The following SEMA6D variants were observed in gnomAD, a reference collection of about 807,000 sequenced individuals.
The protein encoded by SEMA6D is semaphorin 6D.
SEMA6D carries 35 observed loss-of-function variants against 106.6 expected under a neutral mutation model. That is an observed-to-expected ratio of 0.33 (90% CI 0.25 to 0.44). SEMA6D has a LOEUF of 0.44. Ranked by LOEUF, SEMA6D falls within the 20% of genes least tolerant of loss-of-function variation. The pLI, the probability that SEMA6D is intolerant of heterozygous loss-of-function variation, is 1.00. For missense variants in SEMA6D, 1,185 were observed against 1,345.9 expected (o/e 0.88, Z 1.87); for synonymous variants, 499 against 487.7 (o/e 1.02, Z -0.31).
chr15:47,581,255 A>T (rs2076249630), intron 3 of SEMA6D: 1 of 417,190 alleles, frequency 2.4e-6, no homozygotes. Context: ...TTGGGCCCCC[A>T]ACCCTATTTT....
chr15:47,271,125 G>A (rs1005279708), intron 1 of SEMA6D, among the ~76,000 whole-genome samples: 1 of 152,106 alleles, frequency 6.6e-6, no homozygotes, highest in Non-Finnish European at 1.5e-5. Context: ...TTATTTCATG[G>A]TTTTTTGACA....
intron 1 of SEMA6D, among the ~76,000 whole-genome samples, chr15:47,188,213 G>A (rs770509326): frequency 6.6e-6 from 1 of 152,098 alleles, no homozygotes; most frequent in Non-Finnish European, 1.5e-5. Flanking sequence ...GATGATGTTT[G>A]ATTCAGTTTT....
intron 1 of SEMA6D, among the ~76,000 whole-genome samples, chr15:47,364,474 C>G (rs1178901397): frequency 6.6e-6 from 1 of 152,144 alleles, no homozygotes; most frequent in Non-Finnish European, 1.5e-5. Context: ...TGCTCAGGGT[C>G]AACATGCAAG....
chr15:47,230,194 G>A (rs1031499232), intron 1 of SEMA6D, among the ~76,000 whole-genome samples: 9 of 151,936 alleles, frequency 5.9e-5, no homozygotes, highest in African/African-American at 1.9e-4. Flanking sequence ...GGTCTGCCAG[G>A]ATTTTTTGAT....
chr15:47,403,773 C>T (rs929972054), intron 1 of SEMA6D, among the ~76,000 whole-genome samples: 21 of 152,206 alleles, frequency 1.4e-4, no homozygotes, highest in African/African-American at 5.1e-4. Context: ...CAGTGCAGAG[C>T]GGCCGGTGTG....
intron 18 of SEMA6D, among the ~76,000 whole-genome samples, 186 bp from the exon 19 acceptor site, chr15:47,770,311 T>C (rs1004699271): frequency 1.3e-4 from 20 of 152,198 alleles, no homozygotes; most frequent in African/African-American, 4.6e-4. Flanking sequence ...GCAGCAATCC[T>C]GTATGTCTCT....
rs537076984 is a variant in SEMA6D, at chr15:47,378,354, G to A, written c.-238-34039G>A. 3.9e-5 allele frequency among the ~76,000 whole-genome samples: 6 copies of A among 152,264 alleles called. No homozygotes were observed. In the South Asian group the frequency reaches 1.2e-3, roughly 32 times the overall value. The stretch of plus-strand genomic sequence containing the variant: ...CTACTGAAACTACAAAAATTAGCCA[G>A]GCGTGGTGGCACGCGCCTGTAATCC... On this transcript the variant is annotated intron_variant, in intron 1 of 19. Transcript: ENST00000558014.
intron 1 of SEMA6D, among the ~76,000 whole-genome samples, chr15:47,234,699 A>C (rs2141638112): frequency 6.6e-6 from 1 of 152,178 alleles, no homozygotes; most frequent in Admixed American, 6.6e-5. Flanking sequence ...GTGGCTGATT[A>C]GTATTCCATG....
intron 1 of SEMA6D, among the ~76,000 whole-genome samples, chr15:47,278,464 GT>G (rs2034944266): frequency 6.6e-6 from 1 of 152,046 alleles, no homozygotes; most frequent in Non-Finnish European, 1.5e-5. Flanking sequence ...GGGGTTGTTT[GT>G]TTTTTTCTTG....
chr15:47,685,796 C>T (rs1485975876), intron 4 of SEMA6D, among the ~76,000 whole-genome samples: 1 of 152,174 alleles, frequency 6.6e-6, no homozygotes, highest in Non-Finnish European at 1.5e-5. Flanking sequence ...TCTAATACAA[C>T]CTGTGAGCAA....
chr15:47,350,197 A>G (rs1467553644), intron 1 of SEMA6D, among the ~76,000 whole-genome samples: 2 of 152,350 alleles, frequency 1.3e-5, no homozygotes, highest in South Asian at 4.1e-4. Flanking sequence ...AGATTAGTAC[A>G]CTATCAAAAT....
chr15:47,696,464 G>T lies in SEMA6D; in HGVS notation c.-54-63281G>T, dbSNP rs140673896. ...TCAGCAGTTATTTTTAGAAATAGGG[G>T]CTGTGGGGAAGGAGAGAGAGGGCCC... On this transcript the variant is annotated intron_variant, in intron 4 of 19. Coordinates refer to the SEMA6D transcript ENST00000558014. 3.0e-3 allele frequency among the ~76,000 whole-genome samples: 457 copies of T among 152,288 alleles called. 7 individuals carry two copies. Among genetic ancestry groups the T allele is most frequent in the Admixed American group, 0.027 (408 of 15,294 alleles).
At chr15:47,543,245 G>A (rs1237269436) in intron 3 of SEMA6D, among the ~76,000 whole-genome samples, 1 of 152,210 alleles carries the variant, frequency 6.6e-6, no homozygotes, top group African/African-American at 2.4e-5. Context: ...ATATGGTTTG[G>A]CTGTGTGCTC....
At chr15:47,670,827 A>G (rs182962518) in intron 4 of SEMA6D, among the ~76,000 whole-genome samples, 1 of 152,246 alleles carries the variant, frequency 6.6e-6, no homozygotes, top group East Asian at 1.9e-4. Context: ...TCAATTTCTA[A>G]GCATTAGGCA....
intron 1 of SEMA6D, among the ~76,000 whole-genome samples, chr15:47,254,331 G>GTATATATATATATATA (rs3050479): frequency 5.0e-4 from 70 of 139,252 alleles, no homozygotes; most frequent in African/African-American, 1.8e-3. Context: ...GTGTGTGTGT[G>GTATATATATATATATA]TATATATATA....
intron 1 of SEMA6D, among the ~76,000 whole-genome samples, chr15:47,741,019 T>C (rs1199943451): frequency 6.6e-6 from 1 of 152,260 alleles, no homozygotes; most frequent in Non-Finnish European, 1.5e-5. Flanking sequence ...CCTGCTAGAC[T>C]ATTAGACTAG....
At chr15:47,397,073 C>T (rs1191917173) in intron 1 of SEMA6D, among the ~76,000 whole-genome samples, 1 of 152,164 alleles carries the variant, frequency 6.6e-6, no homozygotes, top group African/African-American at 2.4e-5. Flanking sequence ...CTTCTCTTCC[C>T]CATCAAGTAT....
chr15:47,741,721 A>T (rs2080829515), intron 1 of SEMA6D, among the ~76,000 whole-genome samples: 1 of 152,230 alleles, frequency 6.6e-6, no homozygotes. Context: ...TCTAAAAAAA[A>T]AAAGTAAAAA....
chr15:47,527,957 A>G (rs977119358), intron 3 of SEMA6D, among the ~76,000 whole-genome samples: 1 of 152,194 alleles, frequency 6.6e-6, no homozygotes, highest in African/African-American at 2.4e-5. Flanking sequence ...TTCAACATAA[A>G]AAGCTCCTGT....
Sources: gnomAD v4.1 joint callset for allele counts (sites outside exome capture counted in the v4.1 genomes callset) on GRCh38, gnomAD v4.1.1 for gene constraint, MANE v1.5 for transcripts, NCBI Gene and HGNC (gene_info 2026-07-23, HGNC 2026-07-21) for gene names.